The following ACVR1B variants were observed in gnomAD, a reference collection of about 807,000 sequenced individuals.
ACVR1B encodes activin A receptor type 1B, also known as activin receptor type-1B.
Under a neutral mutation model 55.6 loss-of-function variants are expected in ACVR1B, and 15 were observed. That is an observed-to-expected ratio of 0.27 (90% confidence interval 0.18 to 0.42). ACVR1B has a LOEUF of 0.42. ACVR1B is among the 10% of genes least tolerant of loss of function. The pLI is 1.00. For missense variants in ACVR1B, 359 were observed against 670.1 expected, an observed-to-expected ratio of 0.54 and a Z score of 5.13; for synonymous variants, 247 against 254.6, an observed-to-expected ratio of 0.97 and a Z score of 0.28.
intron 1 of ACVR1B, among the ~76,000 whole-genome samples, chr12:51,974,091 T>G (rs1941799052): frequency 2.6e-5 from 4 of 152,160 alleles, no homozygotes; most frequent in Admixed American, 2.6e-4. Context: ...GTCCATAGTG[T>G]GAATGCATTC....
At position 51,991,972 on chromosome 12, in the gene ACVR1B, C is replaced by A; in HGVS notation, c.1371C>A (p.Pro457=). The change falls in exon 8 of 9, where the codon CCC becomes CCA. Residue 457 remains proline, a synonymous_variant. Transcript: ENST00000257963. ...ATCAGAAGCTGCGTCCCAACATCCCCAACTGGTGGCAGAGTTATGAGGTAA... is the reference window on the plus strand; with the variant it reads ...ATCAGAAGCTGCGTCCCAACATCCCAAACTGGTGGCAGAGTTATGAGGTAA... ...VCDQKLRPNI[P]NWWQSYEALR... The A allele has an allele frequency of 2.5e-6, 4 of 1,614,214 alleles. No homozygotes were observed. Among genetic ancestry groups the A allele is most frequent in the Non-Finnish European group, 2.5e-6 (3 of 1,180,044 alleles).
intron 4 of ACVR1B, among the ~76,000 whole-genome samples, chr12:51,983,637 T>C (rs564292053): frequency 6.6e-6 from 1 of 152,308 alleles, no homozygotes; most frequent in Admixed American, 6.5e-5. Flanking sequence ...TTGGTCAGGA[T>C]CAAAGCAGTG....
intron 6 of ACVR1B, among the ~76,000 whole-genome samples, chr12:51,985,789 G>T (rs1942064767): frequency 6.6e-6 from 1 of 152,164 alleles, no homozygotes; most frequent in African/African-American, 2.4e-5. Flanking sequence ...GAGATTTGGG[G>T]CACCCTTCAA....
Position 51,984,097 on chromosome 12 carries a change from A to G in ACVR1B, c.910A>G (p.Met304Val). 1.2e-6 allele frequency: 2 copies of G among 1,614,132 alleles called. No individual in the cohort carries two copies. The highest frequency in any genetic ancestry group is 1.7e-4 in the Middle Eastern group (1 of 6,060). ...LNRYTVTIEG[M>V]IKLALSAASG... ...CCGGTACACAGTGACAATTGAGGGG[A>G]TGATTAAGCTGGCCTTGTCTGCTGC... Residue 304 changes from methionine to valine, a missense_variant, in exon 5 of 9, where the codon ATG (methionine) becomes GTG (valine). Transcript: ENST00000257963.
In ACVR1B at chr12:51,994,233, C is replaced by A; in HGVS notation, c.*123C>A. ...CCCTCTGTGGCCAGGAGCCCTGGCC[C>A]GCAAGAGGGACAGAGCCCGGGAGAG... On this transcript the variant is annotated 3_prime_UTR_variant, in exon 9 of 9. Transcript: ENST00000257963. The surrounding 1 kb of genome is among the most constrained non-coding windows in gnomAD (Gnocchi z 4.2). The A allele has an allele frequency of 1.4e-6, 2 of 1,412,352 alleles. No individual in the cohort carries two copies. Among genetic ancestry groups the A allele is most frequent in the Non-Finnish European group, 1.9e-6 (2 of 1,044,888 alleles). 87.5% of individuals were successfully genotyped at this position (1,412,352 alleles called of 1,614,324 possible). A position where few individuals can be genotyped will look rare whatever the true frequency, so the allele number is the denominator to read the frequency against.
chr12:51,993,773 A>T (rs1421761117), intron 8 of ACVR1B, among the ~76,000 whole-genome samples: 18 of 62,762 alleles, frequency 2.9e-4, no homozygotes, highest in South Asian at 6.2e-4. Flanking sequence ...TCTAAAAAAA[A>T]AAAAAAAAAA....
chr12:51,964,481 T>G (rs1426190384), intron 1 of ACVR1B, among the ~76,000 whole-genome samples: 1 of 152,256 alleles, frequency 6.6e-6, no homozygotes, highest in Non-Finnish European at 1.5e-5. Flanking sequence ...GAAGTCCAGT[T>G]TATCCATTTT....
rs1942245704 is a variant in ACVR1B at position 51,993,901 on chromosome 12, G to A, written c.1393-84G>A. ...TGCCAGACTGCACTGAGCGGGAGGT[G>A]GCAGGGAAATGAGTGAGAGCCTAGG... is the stretch of plus-strand genomic sequence containing the variant. On this transcript the variant is annotated intron_variant, in intron 8 of 8. Transcript: ENST00000257963. 3.8e-6 allele frequency: 6 copies of A among 1,559,776 alleles called. No individual in the cohort carries two copies. The African/African-American group carries it at 4.1e-5, about 11-fold the overall frequency.
chr12:51,952,984 A>G (rs925070203), intron 1 of ACVR1B, among the ~76,000 whole-genome samples: 6 of 152,048 alleles, frequency 3.9e-5, no homozygotes, highest in Non-Finnish European at 1.5e-5. Flanking sequence ...AAACCCTAAA[A>G]TATTTCATTT....
intron 1 of ACVR1B, among the ~76,000 whole-genome samples, chr12:51,956,728 A>G (rs1033806779): frequency 3.3e-5 from 5 of 151,552 alleles, no homozygotes; most frequent in Non-Finnish European, 7.4e-5. Flanking sequence ...CACTTTTTCA[A>G]CCTGTCAATA....
intron 1 of ACVR1B, among the ~76,000 whole-genome samples, chr12:51,961,230 G>T (rs1488007703): frequency 6.6e-6 from 1 of 152,146 alleles, no homozygotes; most frequent in African/African-American, 2.4e-5. Context: ...CGGGGAGCTG[G>T]CTTATTTGTT....
chr12:51,971,438 C>T lies in ACVR1B; in HGVS notation c.92-3827C>T, dbSNP rs544020411. On this transcript the variant is annotated intron_variant, in intron 1 of 8. Coordinates refer to ENST00000257963, the MANE Select transcript of ACVR1B (RefSeq NM_004302.5). ...TTGTTACTCCTGTGATTTGGTTTTCCGAGTTGTGTTATTTCTACTACGTAA... is the reference window on the plus strand; with the variant it reads ...TTGTTACTCCTGTGATTTGGTTTTCTGAGTTGTGTTATTTCTACTACGTAA... 1.2e-4 allele frequency among the ~76,000 whole-genome samples: 18 copies of T among 152,140 alleles called. No individual in the cohort carries two copies. The South Asian group carries it at 1.9e-3, about 16-fold the overall frequency.
intron 1 of ACVR1B, among the ~76,000 whole-genome samples, chr12:51,971,769 T>A (rs1458346669): frequency 6.6e-6 from 1 of 152,338 alleles, no homozygotes; most frequent in African/African-American, 2.4e-5. Flanking sequence ...AGCAGAATTG[T>A]CCAGTGTTGG....
chr12:51,973,070 C>G (rs1266071463), intron 1 of ACVR1B, among the ~76,000 whole-genome samples: 2 of 152,090 alleles, frequency 1.3e-5, no homozygotes, highest in African/African-American at 2.4e-5. Flanking sequence ...TAAGTACTTC[C>G]CAAAAATAAT....
rs2120702541 is a variant in ACVR1B, at chr12:51,985,278, C to T, written c.1066C>T (p.Leu356=). The T allele has an allele frequency of 6.2e-7, 1 of 1,613,992 alleles. No individual in the cohort carries two copies. Among genetic ancestry groups the T allele is most frequent in the Non-Finnish European group, 8.5e-7 (1 of 1,179,962 alleles). The change falls in exon 6 of 9, where the codon CTG becomes TTG. Residue 356 remains leucine (L), a synonymous_variant. Transcript: ENST00000257963. ...NGMCAIADLG[L]AVRHDAVTDT... ...CATGTGTGCCATAGCAGACCTGGGC[C>T]TGGCTGTCCGTCATGATGCAGTCAC...
At chr12:51,990,077 C>A (rs890633247) in intron 7 of ACVR1B, among the ~76,000 whole-genome samples, 5 of 151,916 alleles carry the variant, frequency 3.3e-5, no homozygotes, top group African/African-American at 1.2e-4. Flanking sequence ...GCAGATCACC[C>A]GAGGTCAGGA....
chr12:51,987,824 T>G (rs2120722348), intron 7 of ACVR1B: 1 of 152,396 alleles, frequency 6.6e-6, no homozygotes, highest in South Asian at 2.1e-4. Flanking sequence ...AATTGTACAT[T>G]TTAAAATAAC....
intron 3 of ACVR1B, among the ~76,000 whole-genome samples, chr12:51,978,547 C>T (rs1007806737): frequency 1.6e-4 from 25 of 152,170 alleles, no homozygotes; most frequent in African/African-American, 5.1e-4. Context: ...GAGCCTGACC[C>T]GGCCAGGCGC....
chr12:51,977,650 C>G (rs2120629466), intron 3 of ACVR1B, among the ~76,000 whole-genome samples: 1 of 128,344 alleles, frequency 7.8e-6, no homozygotes, highest in African/African-American at 3.0e-5. Flanking sequence ...TGGTCTCGCT[C>G]TGTTGTTGCC....
Sources: gnomAD v4.1 joint callset for allele counts (sites outside exome capture counted in the v4.1 genomes callset) on GRCh38, gnomAD v4.1.1 for gene constraint, Gnocchi (gnomAD v3.1) non-coding constraint, MANE v1.5 for transcripts, NCBI Gene and HGNC (gene_info 2026-07-23, HGNC 2026-07-21) for gene names.